The following PLCXD3 variants were observed in gnomAD, a reference collection of about 807,000 sequenced individuals.
The protein encoded by PLCXD3 is phosphatidylinositol specific phospholipase C X domain containing 3.
Under a neutral mutation model 25.5 loss-of-function variants are expected in PLCXD3, and 19 were observed. That is an observed-to-expected ratio of 0.75 (90% CI 0.52 to 1.09). The LOEUF is 1.09. Among genes scored for constraint, PLCXD3 ranks in the 50% least tolerant of loss-of-function variants. The probability of loss-of-function intolerance (pLI) is 0.00; values close to 1 mark genes in which losing one functional copy is unlikely to be tolerated. For missense variants in PLCXD3, 411 were observed against 388.1 expected (o/e 1.06, Z -0.50); for synonymous variants, 174 against 137.6 (o/e 1.26, Z -1.85).
chr5:41,459,398 G>A (rs1398404458), intron 1 of PLCXD3, among the ~76,000 whole-genome samples: 1 of 151,774 alleles, frequency 6.6e-6, no homozygotes, highest in Non-Finnish European at 1.5e-5. Context: ...TGCTATAAAT[G>A]GAGGTGAAAA....
intron 2 of PLCXD3, among the ~76,000 whole-genome samples, chr5:41,377,107 T>C (rs1745319091): frequency 6.6e-6 from 1 of 152,104 alleles, no homozygotes; most frequent in South Asian, 2.1e-4. Flanking sequence ...AACGGATAGA[T>C]AGAGTTTGGA....
At chr5:41,352,995 A>T (rs1020840453) in intron 2 of PLCXD3, among the ~76,000 whole-genome samples, 2 of 152,212 alleles carry the variant, frequency 1.3e-5, no homozygotes, top group African/African-American at 4.8e-5. Context: ...ATCATGGCTA[A>T]GAAGGTTTGC....
intron 1 of PLCXD3, among the ~76,000 whole-genome samples, chr5:41,413,403 C>A (rs1746612102): frequency 6.6e-6 from 1 of 152,142 alleles, no homozygotes; most frequent in African/African-American, 2.4e-5. Context: ...GCATTGAACA[C>A]CTGCAATGCA....
chr5:41,388,157 A>G (rs1745697720), intron 1 of PLCXD3, among the ~76,000 whole-genome samples: 1 of 151,968 alleles, frequency 6.6e-6, no homozygotes, highest in Non-Finnish European at 1.5e-5. Flanking sequence ...CCTTGCCCTC[A>G]AGAGTCTTAT....
chr5:41,503,767 G>T (rs1211439199), intron 1 of PLCXD3, among the ~76,000 whole-genome samples: 1 of 152,130 alleles, frequency 6.6e-6, no homozygotes, highest in Non-Finnish European at 1.5e-5. Context: ...CAAACCAGAA[G>T]ACATGAGAGG....
At chr5:41,319,068 A>C (rs986900318) in intron 2 of PLCXD3, among the ~76,000 whole-genome samples, 4 of 152,230 alleles carry the variant, frequency 2.6e-5, no homozygotes, top group Non-Finnish European at 5.9e-5. Context: ...AGGATATAGC[A>C]ATTGTAAATA....
intron 1 of PLCXD3, among the ~76,000 whole-genome samples, chr5:41,466,689 C>A (rs1748024307): frequency 1.3e-5 from 2 of 151,988 alleles, no homozygotes; most frequent in African/African-American, 4.8e-5. Flanking sequence ...AACTCCCATT[C>A]CCTCACTCCT....
intron 1 of PLCXD3, among the ~76,000 whole-genome samples, chr5:41,463,673 C>T (rs1747945282): frequency 6.6e-6 from 1 of 151,970 alleles, no homozygotes. Context: ...GGGTCAGAGG[C>T]TCCACATCTT....
intron 1 of PLCXD3, among the ~76,000 whole-genome samples, chr5:41,489,562 G>T (rs572059499): frequency 3.3e-5 from 5 of 152,088 alleles, no homozygotes; most frequent in African/African-American, 1.2e-4. Context: ...CTACCCATGA[G>T]CATGGAATGT....
chr5:41,327,848 C>A (rs1175336322), intron 2 of PLCXD3, among the ~76,000 whole-genome samples: 2 of 152,052 alleles, frequency 1.3e-5, no homozygotes, highest in African/African-American at 4.8e-5. Context: ...CTCTATCACC[C>A]ATGCTGCAGT....
chr5:41,431,940 C>T (rs1354671962), intron 1 of PLCXD3, among the ~76,000 whole-genome samples: 1 of 152,132 alleles, frequency 6.6e-6, no homozygotes, highest in Non-Finnish European at 1.5e-5. Context: ...GCTGGACCTA[C>T]AAGAGCCCCA....
intron 1 of PLCXD3, among the ~76,000 whole-genome samples, chr5:41,474,390 A>G (rs2150520995): frequency 6.6e-6 from 1 of 152,334 alleles, no homozygotes; most frequent in South Asian, 2.1e-4. Flanking sequence ...AACATTCTGC[A>G]TTTATGAGAA....
chr5:41,364,367 A>G (rs1486731808), intron 2 of PLCXD3, among the ~76,000 whole-genome samples: 1 of 152,188 alleles, frequency 6.6e-6, no homozygotes, highest in Non-Finnish European at 1.5e-5. Context: ...CCATAAGCAA[A>G]AGTGAGTGCA....
chr5:41,380,563 G>A (rs1745424638), intron 2 of PLCXD3, among the ~76,000 whole-genome samples: 1 of 152,024 alleles, frequency 6.6e-6, no homozygotes, highest in Admixed American at 6.6e-5. Context: ...AAGATTTCTG[G>A]AAAATGTATT....
At chr5:41,387,539 C>T (rs368362433) in intron 1 of PLCXD3, among the ~76,000 whole-genome samples, 11 of 152,092 alleles carry the variant, frequency 7.2e-5, no homozygotes, top group African/African-American at 2.4e-4. Context: ...ATTTTTTAGA[C>T]TTTATGTGTA....
chr5:41,464,495 T>C lies in PLCXD3; in HGVS notation c.103+45929A>G, dbSNP rs529359670. 5.9e-5 allele frequency among the ~76,000 whole-genome samples: 9 copies of C among 152,192 alleles called. No homozygotes were observed. In the East Asian group the frequency reaches 1.7e-3, roughly 30 times the overall value. On this transcript the variant is annotated intron_variant, in intron 1 of 2. Coordinates refer to ENST00000377801, the MANE Select transcript of PLCXD3 (RefSeq NM_001005473.3). ...ATACCTAATGTAGATGATGGGTTGA[T>C]GGGTGTGGCAAACCACCATGGCACA...
intron 1 of PLCXD3, among the ~76,000 whole-genome samples, chr5:41,391,628 A>G (rs1326614067): frequency 6.6e-6 from 1 of 152,112 alleles, no homozygotes; most frequent in African/African-American, 2.4e-5. Flanking sequence ...GTCTCAGCAC[A>G]TTACCACCTG....
intron 1 of PLCXD3, among the ~76,000 whole-genome samples, chr5:41,403,401 G>GTTTTGTTTTTGTTTTTGTTTT (rs1746251131): frequency 1.1e-4 from 2 of 18,394 alleles, no homozygotes; most frequent in African/African-American, 3.7e-4. Flanking sequence ...CTTATTTGTT[G>GTTTTGTTTTTGTTTTTGTTTT]TTTTTTTTTT....
rs540762923 is a variant in PLCXD3 at position 41,455,399 on chromosome 5, T to C, written c.103+55025A>G. ...AGCTGAAACCATCATTTTCTCAGTTTAAATATGATTGACAAGTTTAAATGA... is the reference window on the plus strand; with the variant it reads ...AGCTGAAACCATCATTTTCTCAGTTCAAATATGATTGACAAGTTTAAATGA... On this transcript the variant is annotated intron_variant, in intron 1 of 2. Coordinates refer to ENST00000377801, the MANE Select transcript of PLCXD3 (RefSeq NM_001005473.3). Among the ~76,000 whole-genome samples the C allele has an allele frequency of 3.3e-5, 5 of 152,014 alleles. No homozygotes were observed. The South Asian group carries it at 1.0e-3, about 32-fold the overall frequency.
Sources: allele counts gnomAD v4.1 joint callset (sites outside exome capture counted in the v4.1 genomes callset), GRCh38; gene constraint gnomAD v4.1.1; transcripts MANE v1.5; gene names NCBI Gene and HGNC (gene_info 2026-07-23, HGNC 2026-07-21).